The following ANP32E variants were observed in gnomAD, a reference collection of about 807,000 sequenced individuals.
The protein encoded by ANP32E is acidic nuclear phosphoprotein 32 family member E.
In ANP32E, 14 loss-of-function variants were observed where a neutral mutation model predicts 35.3. The ratio of observed to expected loss-of-function variants is 0.40; its 90% CI spans 0.26 to 0.62. The LOEUF (loss-of-function observed/expected upper bound fraction) is 0.62, where lower values mean the gene tolerates loss of function less well. ANP32E is among the 20% of genes least tolerant of loss of function. The probability of loss-of-function intolerance (pLI) is 0.45; values close to 1 mark genes in which losing one functional copy is unlikely to be tolerated. For synonymous variants in ANP32E, 89 were observed against 110.4 expected (o/e 0.81, Z 1.22); for missense variants, 198 against 304.4 (o/e 0.65, Z 2.60).
chr1:150,231,954 A>T (rs1553841862), intron 1 of ANP32E, 28 bp from the exon 2 acceptor site: 17 of 1,602,392 alleles, frequency 1.1e-5, no homozygotes, highest in Non-Finnish European at 1.4e-5. Flanking sequence ...TTAATTAATG[A>T]TTCTTTAGTT....
chr1:150,231,140 C>A (rs953240276), intron 2 of ANP32E, among the ~76,000 whole-genome samples: 6 of 152,290 alleles, frequency 3.9e-5, no homozygotes, highest in Non-Finnish European at 8.8e-5. Flanking sequence ...TTTCCAAATT[C>A]CTTTCTACAT....
rs1226336657 is a variant in ANP32E at position 150,220,625 on chromosome 1, A to G, written c.*66T>C. On this transcript the variant is annotated 3_prime_UTR_variant, in exon 7 of 7. Transcript: ENST00000583931. Reference sequence around the variant, plus strand: ...CTGTAGGGATAGCTATCGTACATGAAGAAACAAAGATGTGATCACTCTATT... The same window carrying G: ...CTGTAGGGATAGCTATCGTACATGAGGAAACAAAGATGTGATCACTCTATT... 2 of 1,424,208 alleles carry G rather than the reference A, an allele frequency of 1.4e-6. No individual in the cohort carries two copies. Among genetic ancestry groups the G allele is most frequent in the African/African-American group, 2.8e-5 (2 of 70,816 alleles). The allele number at this position is 1,424,208 out of a possible 1,614,324, so 88.2% of individuals were successfully genotyped here. A position where few individuals can be genotyped will look rare whatever the true frequency, so the allele number is the denominator to read the frequency against.
chr1:150,230,375 T>A (rs1440928458), intron 3 of ANP32E, among the ~76,000 whole-genome samples, 196 bp downstream of exon 3: 1 of 152,220 alleles, frequency 6.6e-6, no homozygotes, highest in Admixed American at 6.5e-5. Flanking sequence ...AAGTTGATGA[T>A]AAAATAAATT....
intron 4 of ANP32E, among the ~76,000 whole-genome samples, chr1:150,228,081 T>A (rs771086419): frequency 1.3e-5 from 2 of 148,780 alleles, no homozygotes. Context: ...ATATATATAT[T>A]ATATATATAT....
intron 3 of ANP32E, 63 bp downstream of exon 3, chr1:150,230,508 C>A: frequency 6.8e-7 from 1 of 1,475,710 alleles, no homozygotes; most frequent in East Asian, 2.3e-5. Context: ...TTAATAGACA[C>A]AAACAAATCT....
chr1:150,235,441 A>T lies in ANP32E; in HGVS notation c.54+292T>A, dbSNP rs1471751003. On this transcript the variant is annotated intron_variant, in intron 1 of 6. Coordinates refer to ENST00000583931, the MANE Select transcript of ANP32E (RefSeq NM_030920.5). This position sits in a 1 kb window ranked among gnomAD's most constrained non-coding sequence, Gnocchi z 4.2. ...GGGAGCGAAGCGGCGGAGCGCCCCC[A>T]CCAGCCCGCTTCCCGCCCCCACGAG... Among the ~76,000 whole-genome samples, 1 of 152,088 alleles carries T rather than the reference A, an allele frequency of 6.6e-6. No individual in the cohort carries two copies. Among genetic ancestry groups the T allele is most frequent in the Non-Finnish European group, 1.5e-5 (1 of 67,978 alleles).
intron 1 of ANP32E, among the ~76,000 whole-genome samples, chr1:150,232,340 T>A (rs1649419237): frequency 8.5e-4 from 1 of 1,170 alleles, no homozygotes; most frequent in African/African-American, 3.1e-3. Context: ...GGAGACTCCG[T>A]CTCAAAAAAA....
At chr1:150,229,298 C>CTAT in intron 3 of ANP32E, 61 bp from the exon 4 acceptor site, 1 of 429,548 alleles carries the variant, frequency 2.3e-6, no homozygotes, top group East Asian at 6.0e-5. Context: ...TTTCTTTTTT[C>CTAT]TTTTTTTTTT....
At chr1:150,232,118 G>A (rs1043721596) in intron 1 of ANP32E, among the ~76,000 whole-genome samples, 192 bp from the exon 2 acceptor site, 15 of 151,870 alleles carry the variant, frequency 9.9e-5, no homozygotes, top group African/African-American at 3.6e-4. Context: ...GCCGAGGCGG[G>A]CGGATCACGA....
chr1:150,223,209 T>A lies in ANP32E; in HGVS notation c.713A>T (p.Glu238Val). 6.6e-7 allele frequency: 1 copy of A among 1,526,622 alleles called. No homozygotes were observed. Among genetic ancestry groups the A allele is most frequent in the Non-Finnish European group, 8.9e-7 (1 of 1,123,820 alleles). The allele number at this position is 1,526,622 out of a possible 1,614,324, so 94.6% of individuals were successfully genotyped here. Residue 238 changes from glutamate (E) to valine (V), a missense_variant, in exon 6 of 7, where the codon GAA (glutamate) becomes GTA (valine). By Grantham distance (121) the Glu-to-Val change is moderately radical (BLOSUM62 -2). Around this residue, in one of 4 missense-constraint regions of ANP32E, gnomAD observed 121 missense variants for 137.3 expected, o/e 0.88. Coordinates refer to ENST00000583931, the MANE Select transcript of ANP32E (RefSeq NM_030920.5). Reference sequence around the variant, plus strand: ...ACCCTCTTCTTCCTCTTCTTCCCCTTCTTCAACATAGTCATCATCATCTTC... The same window carrying A: ...ACCCTCTTCTTCCTCTTCTTCCCCTACTTCAACATAGTCATCATCATCTTC... ...DEEDDDDYVE[E>V]GEEEEEEEEG...
In ANP32E at chr1:150,226,719, TTCCTCC is replaced by T. The variant is rs1231400041; in HGVS notation, c.564_569del (p.Glu193_Glu194del). 1.9e-6 allele frequency: 3 copies of T among 1,562,176 alleles called. No homozygotes were observed. The highest frequency in any genetic ancestry group is 1.4e-5 in the African/African-American group (1 of 70,842). ...CCTCATCCTCATCCTCCTCTTCCTC[TTCCTCC>T]TCCTCTTCCTCATATCCTTCCGGTG... On this transcript the variant is annotated inframe_deletion, in exon 5 of 7. Coordinates refer to ENST00000583931, the MANE Select transcript of ANP32E (RefSeq NM_030920.5).
intron 5 of ANP32E, 146 bp from the exon 6 acceptor site, chr1:150,223,386 A>G: frequency 8.7e-7 from 1 of 1,144,098 alleles, no homozygotes; most frequent in African/African-American, 1.6e-5. Flanking sequence ...TCCTTTTTAA[A>G]ACCTAACTAA....
Position 150,235,809 on chromosome 1 carries a change from A to G in ANP32E, c.-23T>C, listed in dbSNP as rs782792390. 9 of 1,552,462 alleles carry G rather than the reference A, an allele frequency of 5.8e-6. No individual in the cohort carries two copies. Among genetic ancestry groups the G allele is most frequent in the Middle Eastern group, 1.7e-4 (1 of 5,966 alleles). ...CATGTCCTCCTCTTGCTCTTCAGCT[A>G]CTACTCTCCTTTTCCCTTTCCTGCC... On this transcript the variant is annotated 5_prime_UTR_variant, in exon 1 of 7. Coordinates refer to ENST00000583931, the MANE Select transcript of ANP32E (RefSeq NM_030920.5). This position sits in a 1 kb window ranked among gnomAD's most constrained non-coding sequence, Gnocchi z 4.2.
At chr1:150,228,357 G>A (rs1553840662) in intron 4 of ANP32E, among the ~76,000 whole-genome samples, 1 of 152,068 alleles carries the variant, frequency 6.6e-6, no homozygotes, top group East Asian at 1.9e-4. Flanking sequence ...TATTAATGGT[G>A]ATATAATATT....
chr1:150,219,584 A>G lies in ANP32E; in HGVS notation c.*1107T>C, dbSNP rs1267016040. 1 of 152,194 alleles carries G rather than the reference A, an allele frequency of 6.6e-6. No homozygotes were observed. The highest frequency in any genetic ancestry group is 2.4e-5 in the African/African-American group (1 of 41,432). 9.4% of individuals were successfully genotyped at this position (152,194 alleles called of 1,614,324 possible). A position where few individuals can be genotyped will look rare whatever the true frequency, so the allele number is the denominator to read the frequency against. On this transcript the variant is annotated 3_prime_UTR_variant, in exon 7 of 7. Transcript: ENST00000583931. ...AATTTGACTTTAATGTCTTATTAAT[A>G]TATCAACAGGCAATTGTTCCGACTT...
chr1:150,231,703 A>G, intron 2 of ANP32E, 74 bp downstream of exon 2: 1 of 1,389,174 alleles, frequency 7.2e-7, no homozygotes, highest in Non-Finnish European at 9.4e-7. Flanking sequence ...CAGAATGGTC[A>G]TTCCATTTGG....
chr1:150,230,321 A>T (rs1221115804), intron 3 of ANP32E, among the ~76,000 whole-genome samples: 1 of 121,206 alleles, frequency 8.3e-6, no homozygotes, highest in East Asian at 1.9e-4. Context: ...AAAGAAGGTT[A>T]AAAAAAAATA....
In ANP32E at chr1:150,222,602, AC is replaced by A. The variant is rs1226500783; in HGVS notation, c.736+583del. On this transcript the variant is annotated intron_variant, in intron 6 of 6. Coordinates refer to ENST00000583931, the MANE Select transcript of ANP32E (RefSeq NM_030920.5). ...AACCCCATCTCTAAAAAAAAAACAT[AC>A]AGAAATTAGCTGGGCATGATGGTGT... 8.6e-5 allele frequency among the ~76,000 whole-genome samples: 13 copies of A among 151,030 alleles called. 1 individual carries two copies. The highest frequency in any genetic ancestry group is 2.6e-4 in the Admixed American group (4 of 15,192).
intron 5 of ANP32E, among the ~76,000 whole-genome samples, chr1:150,226,007 GT>G (rs34846816): frequency 3.6e-5 from 5 of 138,328 alleles, no homozygotes; most frequent in African/African-American, 5.4e-5. Context: ...GATATAACCT[GT>G]TTTTTTTTTT....
Sources: gnomAD v4.1 joint callset for allele counts (sites outside exome capture counted in the v4.1 genomes callset) on GRCh38, gnomAD v4.1.1 for gene constraint, gnomAD v4.1.1 regional missense constraint, Gnocchi (gnomAD v3.1) non-coding constraint, MANE v1.5 for transcripts, NCBI Gene and HGNC (gene_info 2026-07-23, HGNC 2026-07-21) for gene names.